Variants in CDH23 observed in about 807,000 individuals in gnomAD.
CDH23 encodes cadherin-23.
CDH23 carries 189 observed loss-of-function variants against 317.1 expected under a neutral mutation model. The ratio of observed to expected loss-of-function variants is 0.60; its 90% confidence interval spans 0.53 to 0.67. The LOEUF is 0.67. Among genes scored for constraint, CDH23 ranks in the 30% least tolerant of loss-of-function variants. The probability of loss-of-function intolerance (pLI) is 0.00; values close to 1 mark genes in which losing one functional copy is unlikely to be tolerated. For synonymous variants in CDH23, 1,839 were observed against 1,876.8 expected (o/e 0.98, Z 0.52); for missense variants, 4,401 against 4,592.4 (o/e 0.96, Z 1.20).
chr10:71,790,315 C>G lies in CDH23; in HGVS notation c.5951C>G (p.Pro1984Arg), dbSNP rs759107451. 1 of 1,613,884 alleles carries G rather than the reference C, an allele frequency of 6.2e-7. No individual in the cohort carries two copies. Among genetic ancestry groups the G allele is most frequent in the Non-Finnish European group, 8.5e-7 (1 of 1,179,870 alleles). Residue 1984 changes from proline to arginine, a missense_variant, in exon 46 of 70, where the codon CCC becomes CGC. Transcript: ENST00000224721. ...AGTPLTVLNG[P>R]ILALDADQDI... ...ACCCCTCTCACGGTGCTCAATGGGC[C>G]CATCCTGGCCCTGGATGCAGACCAA...
At chr10:71,460,126 G>A (rs1850904694) in intron 3 of CDH23, among the ~76,000 whole-genome samples, 1 of 152,236 alleles carries the variant, frequency 6.6e-6, no homozygotes, top group Non-Finnish European at 1.5e-5. Flanking sequence ...TTAAGCTGCT[G>A]AGCTGAATTC....
At chr10:71,730,040 T>C (rs900270038) in intron 30 of CDH23, among the ~76,000 whole-genome samples, 3 of 152,260 alleles carry the variant, frequency 2.0e-5, no homozygotes, top group East Asian at 3.9e-4. Context: ...TTCACCGTGT[T>C]AGCCAGGATG....
intron 28 of CDH23, chr10:71,713,410 C>T (rs989184961): frequency 7.8e-6 from 5 of 641,546 alleles, no homozygotes; most frequent in African/African-American, 5.4e-5. Flanking sequence ...TCTTTACCAA[C>T]TATGGGGTTT....
intron 40 of CDH23, among the ~76,000 whole-genome samples, chr10:71,779,057 T>C (rs1840886339): frequency 6.6e-6 from 1 of 152,192 alleles, no homozygotes; most frequent in South Asian, 2.1e-4. Flanking sequence ...TTTATTAATA[T>C]GATGATTGTG....
At chr10:71,499,097 C>T (rs1160076174) in intron 3 of CDH23, among the ~76,000 whole-genome samples, 1 of 152,156 alleles carries the variant, frequency 6.6e-6, no homozygotes, top group Non-Finnish European at 1.5e-5. Flanking sequence ...CTATCATTTG[C>T]AGCCACATAG....
At chr10:71,654,096 T>TA (rs1863306574) in intron 14 of CDH23, among the ~76,000 whole-genome samples, 1 of 152,172 alleles carries the variant, frequency 6.6e-6, no homozygotes, top group Non-Finnish European at 1.5e-5. Context: ...AGAGAAAGGT[T>TA]AAACAAGCTT....
intron 28 of CDH23, among the ~76,000 whole-genome samples, chr10:71,720,773 T>G (rs1340182334): frequency 6.6e-6 from 1 of 152,162 alleles, no homozygotes; most frequent in South Asian, 2.1e-4. Flanking sequence ...ATCTAACTCC[T>G]CTTCTGAGAG....
At chr10:71,507,620 G>T (rs150549523) in intron 3 of CDH23, among the ~76,000 whole-genome samples, 1 of 152,188 alleles carries the variant, frequency 6.6e-6, no homozygotes, top group Admixed American at 6.5e-5. Flanking sequence ...TTGAACCTGC[G>T]AGGTGGAGGT....
Position 71,797,161 on chromosome 10 carries a change from C to G in CDH23, c.6770C>G (p.Thr2257Ser). The G allele has an allele frequency of 6.2e-7, 1 of 1,613,700 alleles. No individual in the cohort carries two copies. Among genetic ancestry groups the G allele is most frequent in the Non-Finnish European group, 8.5e-7 (1 of 1,179,780 alleles). The change falls in exon 49 of 70, where the codon ACT (threonine) becomes AGT (serine). Residue 2257 changes from threonine to serine, a missense_variant. Thr to Ser is a moderately conservative substitution (Grantham distance 58, BLOSUM62 1). This residue lies in a region of CDH23 where 3,068 missense variants were observed against 3,203.3 expected (regional missense o/e 0.96). Coordinates refer to ENST00000224721, the MANE Select transcript of CDH23 (RefSeq NM_022124.6). ...NRELVATYEV[T>S]LSVIDNASDL... Reference sequence around the variant, plus strand: ...GAGCTGGTTGCCACCTATGAGGTCACTCTCTCAGTGATTGACAATGCCAGC... The same window carrying G: ...GAGCTGGTTGCCACCTATGAGGTCAGTCTCTCAGTGATTGACAATGCCAGC...
chr10:71,556,532 C>T (rs1856883269), intron 6 of CDH23, among the ~76,000 whole-genome samples: 1 of 149,936 alleles, frequency 6.7e-6, no homozygotes, highest in South Asian at 2.1e-4. Context: ...ACCTGGGAGG[C>T]GGAGGTTCAT....
chr10:71,787,734 G>A (rs981028224), intron 44 of CDH23, among the ~76,000 whole-genome samples: 5 of 152,118 alleles, frequency 3.3e-5, no homozygotes, highest in South Asian at 2.1e-4. Context: ...TCTTTCTTAC[G>A]GTTGAGTAGT....
At chr10:71,689,094 AG>A (rs1865068648) in intron 19 of CDH23, among the ~76,000 whole-genome samples, 1 of 142,398 alleles carries the variant, frequency 7.0e-6, no homozygotes, top group Non-Finnish European at 1.6e-5. Flanking sequence ...TGGTGGAGCC[AG>A]GGGTGGTGGA....
chr10:71,462,470 C>T (rs1370684945), intron 3 of CDH23, among the ~76,000 whole-genome samples: 1 of 152,180 alleles, frequency 6.6e-6, no homozygotes, highest in Non-Finnish European at 1.5e-5. Flanking sequence ...CCAGTGAACC[C>T]GCTGTCCTCA....
intron 20 of CDH23, among the ~76,000 whole-genome samples, chr10:71,692,381 G>A (rs1564736285): frequency 6.6e-6 from 1 of 152,246 alleles, no homozygotes; most frequent in Non-Finnish European, 1.5e-5. Flanking sequence ...CTCCAAAGGT[G>A]TAAGTGTTTT....
intron 28 of CDH23, among the ~76,000 whole-genome samples, chr10:71,721,566 A>G (rs567721166): frequency 6.6e-6 from 1 of 152,182 alleles, no homozygotes. Context: ...CAAAGCCTAA[A>G]TTCATGCTTG....
intron 31 of CDH23, among the ~76,000 whole-genome samples, chr10:71,731,221 T>G (rs969237906): frequency 6.6e-5 from 10 of 152,204 alleles, no homozygotes; most frequent in Non-Finnish European, 1.5e-4. Flanking sequence ...GGGATACAGC[T>G]GAAAAGGAGC....
rs1166980713 is a variant in CDH23 at position 71,807,826 on chromosome 10, C to T, written c.8561-20C>T. 3 of 1,594,400 alleles carry T rather than the reference C, an allele frequency of 1.9e-6. No individual in the cohort carries two copies. Among genetic ancestry groups the T allele is most frequent in the East Asian group, 2.3e-5 (1 of 43,780 alleles). On this transcript the variant is annotated intron_variant, in intron 59 of 69. Transcript: ENST00000224721. ...GGTGGCCCCTGCCCTGCCACTTACA[C>T]CACCTGCCTCTTCCTGCAGGGGTGG...
intron 11 of CDH23, among the ~76,000 whole-genome samples, chr10:71,634,776 G>A (rs1025767198): frequency 6.6e-6 from 1 of 152,260 alleles, no homozygotes; most frequent in Admixed American, 6.5e-5. Context: ...CCAGGTGGCT[G>A]TAGCAGCAGC....
chr10:71,707,164 C>T (rs1447555856), intron 26 of CDH23, 115 bp downstream of exon 26: 2 of 1,543,256 alleles, frequency 1.3e-6, no homozygotes, highest in African/African-American at 2.7e-5. Context: ...GAGGTCAGGG[C>T]TCTACTGTTG....
Sources: allele counts gnomAD v4.1 joint callset (sites outside exome capture counted in the v4.1 genomes callset), GRCh38; gene constraint gnomAD v4.1.1; regional missense constraint gnomAD v4.1.1; transcripts MANE v1.5; gene names NCBI Gene and HGNC (gene_info 2026-07-23, HGNC 2026-07-21).